SEMA5A: variants seen among roughly 807,000 people sequenced by gnomAD.
SEMA5A encodes the protein semaphorin-5A.
In SEMA5A, 55 loss-of-function variants were observed where a neutral mutation model predicts 135.5. The ratio of observed to expected loss-of-function variants is 0.41; its 90% CI spans 0.33 to 0.51. SEMA5A has a LOEUF of 0.51. Among genes scored for constraint, SEMA5A ranks in the 20% least tolerant of loss-of-function variants. The pLI, the probability that SEMA5A is intolerant of heterozygous loss-of-function variation, is 0.37. For missense variants in SEMA5A, 1,290 were observed against 1,419.9 expected (o/e 0.91, Z 1.47); for synonymous variants, 580 against 546.5 (o/e 1.06, Z -0.85).
At chr5:9,225,036 C>A in intron 7 of SEMA5A, 149 bp from the exon 8 acceptor site, 1 of 647,356 alleles carries the variant, frequency 1.5e-6, no homozygotes, top group Non-Finnish European at 2.6e-6. Flanking sequence ...TACATTCCAA[C>A]TGATGTAAAG....
At chr5:9,540,921 G>T (rs1738048985) in intron 1 of SEMA5A, among the ~76,000 whole-genome samples, 1 of 152,170 alleles carries the variant, frequency 6.6e-6, no homozygotes. Context: ...CACTTTGTGA[G>T]GAATGCCATC....
At chr5:9,438,661 C>T (rs1170143858) in intron 1 of SEMA5A, among the ~76,000 whole-genome samples, 1 of 152,148 alleles carries the variant, frequency 6.6e-6, no homozygotes, top group Non-Finnish European at 1.5e-5. Context: ...TTTCTGTTCT[C>T]TTCATTCATC....
At chr5:9,346,488 G>A (rs536786012) in intron 3 of SEMA5A, among the ~76,000 whole-genome samples, 1 of 152,308 alleles carries the variant, frequency 6.6e-6, no homozygotes, top group East Asian at 1.9e-4. Flanking sequence ...AGAGCTAAAA[G>A]AGCACTGTAA....
At chr5:9,175,366 C>G (rs77951847) in intron 11 of SEMA5A, among the ~76,000 whole-genome samples, 2,888 of 152,124 alleles carry the variant, frequency 0.019, 99 homozygotes, top group African/African-American at 0.066. Flanking sequence ...ATGTTTATGC[C>G]TCCAGTTAGG....
intron 16 of SEMA5A, among the ~76,000 whole-genome samples, chr5:9,089,686 C>A (rs1738926522): frequency 6.6e-6 from 1 of 152,140 alleles, no homozygotes; most frequent in African/African-American, 2.4e-5. Flanking sequence ...ACGCTAGCAG[C>A]CCTGGCAGGA....
At chr5:9,366,191 C>G (rs948296670) in intron 3 of SEMA5A, among the ~76,000 whole-genome samples, 9 of 152,144 alleles carry the variant, frequency 5.9e-5, no homozygotes, top group African/African-American at 1.9e-4. Context: ...GGTAGTGAAG[C>G]AGTGCAAATT....
intron 11 of SEMA5A, among the ~76,000 whole-genome samples, chr5:9,161,446 T>C (rs1743250274): frequency 6.6e-6 from 1 of 152,226 alleles, no homozygotes; most frequent in Admixed American, 6.5e-5. Context: ...TGAATAAATT[T>C]TAATTATATA....
intron 5 of SEMA5A, among the ~76,000 whole-genome samples, chr5:9,256,894 T>A (rs970832506): frequency 1.3e-5 from 2 of 152,126 alleles, no homozygotes; most frequent in African/African-American, 4.8e-5. Flanking sequence ...GCATGAAGAG[T>A]GAAAAAATCA....
intron 5 of SEMA5A, among the ~76,000 whole-genome samples, chr5:9,242,749 C>T (rs761166307): frequency 5.3e-5 from 8 of 152,078 alleles, no homozygotes; most frequent in Non-Finnish European, 1.0e-4. Context: ...CCTTCTCTAC[C>T]CCAATAACAT....
intron 1 of SEMA5A, among the ~76,000 whole-genome samples, chr5:9,450,337 A>C (rs1758595684): frequency 6.6e-6 from 1 of 152,216 alleles, no homozygotes; most frequent in East Asian, 1.9e-4. Flanking sequence ...TATATGGATA[A>C]TCCACTTAGT....
chr5:9,108,312 A>G (rs114431637), intron 15 of SEMA5A, 25 bp from the exon 16 acceptor site: 1 of 1,612,032 alleles, frequency 6.2e-7, no homozygotes, highest in Non-Finnish European at 8.5e-7. Flanking sequence ...CCAAAATGAC[A>G]AGGAAACTAA....
chr5:9,445,363 C>T lies in SEMA5A; in HGVS notation c.-174-7511G>A, dbSNP rs183363251. ...AAGAATCCCTTCGGTAAATATCTCT[C>T]GTGCCATTAAAAAAAAAAAAAGTGG... On this transcript the variant is annotated intron_variant, in intron 1 of 22. Coordinates refer to ENST00000382496, the MANE Select transcript of SEMA5A (RefSeq NM_003966.3). 4.5e-3 allele frequency among the ~76,000 whole-genome samples: 684 copies of T among 151,440 alleles called. 3 individuals are homozygous for T. Among genetic ancestry groups the T allele is most frequent in the African/African-American group, 0.016 (644 of 41,258 alleles).
chr5:9,185,701 T>A (rs1048040618), intron 11 of SEMA5A, among the ~76,000 whole-genome samples: 5 of 152,224 alleles, frequency 3.3e-5, no homozygotes, highest in Admixed American at 2.6e-4. Flanking sequence ...TAGAACATTT[T>A]AAGATTATAT....
chr5:9,229,676 G>A (rs747910149), intron 6 of SEMA5A, among the ~76,000 whole-genome samples: 9 of 151,328 alleles, frequency 5.9e-5, no homozygotes, highest in African/African-American at 9.7e-5. Flanking sequence ...TTTTGATGCT[G>A]CTTTTAGAAC....
chr5:9,340,765 T>C (rs559094203), intron 3 of SEMA5A, among the ~76,000 whole-genome samples: 32 of 152,294 alleles, frequency 2.1e-4, no homozygotes, highest in African/African-American at 7.7e-4. Flanking sequence ...CTCCAGAAGG[T>C]TGGCCATCTC....
In SEMA5A at chr5:9,181,887, G is replaced by A. The variant is rs1408037029; in HGVS notation, c.1273+8380C>T. ...AACCCCCTGCCCCATCTCACTCCCA[G>A]CCGCAGAGTCCCTCATCTATTAAGA... On this transcript the variant is annotated intron_variant, in intron 11 of 22. Transcript: ENST00000382496. 7.9e-5 allele frequency among the ~76,000 whole-genome samples: 12 copies of A among 151,526 alleles called. 1 individual carries two copies. The highest frequency in any genetic ancestry group is 7.2e-4 in the Admixed American group (11 of 15,212).
rs571106758 is a variant in SEMA5A, at chr5:9,145,622, T to C, written c.1481+8866A>G. Reference sequence around the variant, plus strand: ...GCTCAAAAGCAGGAGGCCTGTGGAGTAGATATTAAAGAAGAAAACTTTTTT... The same window carrying C: ...GCTCAAAAGCAGGAGGCCTGTGGAGCAGATATTAAAGAAGAAAACTTTTTT... On this transcript the variant is annotated intron_variant, in intron 12 of 22. Coordinates refer to ENST00000382496, the MANE Select transcript of SEMA5A (RefSeq NM_003966.3). Among the ~76,000 whole-genome samples, 6 of 148,934 alleles carry C rather than the reference T, an allele frequency of 4.0e-5. No individual in the cohort carries two copies. The East Asian group carries it at 1.2e-3, about 29-fold the overall frequency.
intron 2 of SEMA5A, among the ~76,000 whole-genome samples, chr5:9,384,393 G>A (rs1231844262): frequency 1.3e-5 from 2 of 151,932 alleles, no homozygotes; most frequent in East Asian, 1.9e-4. Context: ...CGTGTTCTGG[G>A]CTATTCTATG....
intron 2 of SEMA5A, among the ~76,000 whole-genome samples, chr5:9,410,904 A>C (rs1029494661): frequency 5.3e-5 from 8 of 151,730 alleles, no homozygotes; most frequent in African/African-American, 1.9e-4. Context: ...AGCCGCCTAC[A>C]TTTCCATAAC....
Sources: gnomAD v4.1 joint callset for allele counts (sites outside exome capture counted in the v4.1 genomes callset) on GRCh38, gnomAD v4.1.1 for gene constraint, MANE v1.5 for transcripts, NCBI Gene and HGNC (gene_info 2026-07-23, HGNC 2026-07-21) for gene names.